AKAP13: variants seen among roughly 807,000 people sequenced by gnomAD.
AKAP13 encodes the protein A-kinase anchor protein 13.
A neutral mutation model predicts 264.5 loss-of-function variants in AKAP13; 80 were observed. That is an observed-to-expected ratio of 0.30 (90% confidence interval 0.25 to 0.36). The LOEUF (loss-of-function observed/expected upper bound fraction) is 0.36. Ranked by LOEUF, AKAP13 falls within the 10% of genes least tolerant of loss-of-function variation. The pLI is 1.00. For missense variants in AKAP13, 3,712 were observed against 3,435.2 expected (o/e 1.08, Z -2.01); for synonymous variants, 1,380 against 1,250.2 (o/e 1.10, Z -2.19).
chr15:85,432,168 A>G (rs747221873), intron 1 of AKAP13, among the ~76,000 whole-genome samples: 4 of 152,104 alleles, frequency 2.6e-5, no homozygotes, highest in African/African-American at 7.2e-5. Context: ...TAGCTATTTC[A>G]ACTCAATTCT....
chr15:85,418,619 T>C (rs2072358429), intron 1 of AKAP13, among the ~76,000 whole-genome samples: 1 of 152,220 alleles, frequency 6.6e-6, no homozygotes, highest in South Asian at 2.1e-4. Context: ...AGCATATAAT[T>C]ATAGCCACTA....
At chr15:85,421,273 C>T (rs992654642) in intron 1 of AKAP13, among the ~76,000 whole-genome samples, 4 of 152,176 alleles carry the variant, frequency 2.6e-5, no homozygotes, top group Non-Finnish European at 5.9e-5. Context: ...AAGGCAAAAA[C>T]TAAAAATAGA....
chr15:85,443,729 G>A (rs1016735014), intron 1 of AKAP13, among the ~76,000 whole-genome samples: 4 of 151,178 alleles, frequency 2.6e-5, no homozygotes, highest in Admixed American at 1.3e-4. Context: ...ATTTGCATTT[G>A]TGTCAGTGGG....
intron 14 of AKAP13, among the ~76,000 whole-genome samples, chr15:85,677,559 A>T (rs1203338083): frequency 6.6e-6 from 1 of 151,710 alleles, no homozygotes; most frequent in Non-Finnish European, 1.5e-5. Context: ...TCCTTTTCAG[A>T]CCATTTCTTT....
chr15:85,740,316 A>G (rs771833021), intron 34 of AKAP13, 44 bp downstream of exon 34: 12 of 1,608,984 alleles, frequency 7.5e-6, no homozygotes, highest in East Asian at 6.7e-5. Flanking sequence ...TTGTCTAGAG[A>G]ACAGCAGCTT....
chr15:85,720,765 C>T (rs2087235074), intron 23 of AKAP13, among the ~76,000 whole-genome samples: 1 of 152,182 alleles, frequency 6.6e-6, no homozygotes, highest in Non-Finnish European at 1.5e-5. Context: ...CCATACCCCT[C>T]ACTTCATTAA....
chr15:85,652,303 C>CT (rs2082893241), intron 10 of AKAP13, among the ~76,000 whole-genome samples: 1 of 151,976 alleles, frequency 6.6e-6, no homozygotes, highest in African/African-American at 2.4e-5. Flanking sequence ...GATAGCAGGC[C>CT]TTTTTTTCAA....
At chr15:85,513,516 G>T (rs1235591694) in intron 2 of AKAP13, among the ~76,000 whole-genome samples, 3 of 152,206 alleles carry the variant, frequency 2.0e-5, no homozygotes, top group Non-Finnish European at 4.4e-5. Flanking sequence ...GGCAACACCT[G>T]TTGTTAACAT....
At chr15:85,483,647 A>AAAAAAAAC (rs1193766908) in intron 1 of AKAP13, among the ~76,000 whole-genome samples, 2 of 149,354 alleles carry the variant, frequency 1.3e-5, no homozygotes, top group African/African-American at 2.5e-5. Context: ...AAAAAAAAAA[A>AAAAAAAAC]AAAACACCAA....
intron 5 of AKAP13, among the ~76,000 whole-genome samples, chr15:85,545,333 A>T (rs1271423152): frequency 1.3e-5 from 2 of 152,258 alleles, no homozygotes; most frequent in African/African-American, 4.8e-5. Context: ...TTTGCTGGGA[A>T]GCAGAGTTGG....
At chr15:85,396,975 A>T (rs1395674982) in intron 1 of AKAP13, among the ~76,000 whole-genome samples, 3 of 149,240 alleles carry the variant, frequency 2.0e-5, no homozygotes, top group Non-Finnish European at 4.4e-5. Context: ...ATTTATACAT[A>T]ATTATTTTTG....
chr15:85,627,964 G>A (rs72762318), intron 8 of AKAP13, among the ~76,000 whole-genome samples: 13,975 of 152,202 alleles, frequency 0.092, 800 homozygotes, highest in East Asian at 0.21. Context: ...ATATACCAAC[G>A]CTTTTGTTGA....
chr15:85,572,126 A>C (rs537636454), intron 5 of AKAP13, among the ~76,000 whole-genome samples: 1 of 152,246 alleles, frequency 6.6e-6, no homozygotes, highest in Non-Finnish European at 1.5e-5. Flanking sequence ...AGAATACTCC[A>C]TTTCATGGAG....
chr15:85,402,428 C>CT (rs2071469263), intron 1 of AKAP13, among the ~76,000 whole-genome samples: 2 of 152,134 alleles, frequency 1.3e-5, no homozygotes, highest in African/African-American at 4.8e-5. Flanking sequence ...TGGTATAAGT[C>CT]TTTCATGGTT....
chr15:85,557,678 G>T (rs1337752955), intron 5 of AKAP13, among the ~76,000 whole-genome samples: 1 of 152,022 alleles, frequency 6.6e-6, no homozygotes, highest in Non-Finnish European at 1.5e-5. Context: ...GGTCTTGTAT[G>T]TTGCCCAGGC....
Position 85,735,134 on chromosome 15 carries a change from G to A in AKAP13, c.7425G>A (p.Gln2475=), listed in dbSNP as rs765822957. The A allele has an allele frequency of 1.2e-6, 2 of 1,613,950 alleles. No individual in the cohort carries two copies. Among genetic ancestry groups the A allele is most frequent in the Non-Finnish European group, 1.7e-6 (2 of 1,179,938 alleles). Residue 2475 remains glutamine, a synonymous_variant, in exon 31 of 37, where the codon CAG becomes CAA. Coordinates refer to ENST00000394518, the MANE Select transcript of AKAP13 (RefSeq NM_007200.5). ...CCTTTGGAGGATTTGACAGCCATCA[G>A]ATGAATGCTTCAAAAGGTAAATGAT... ...AETFGGFDSH[Q]MNASKGGEKE...
intron 1 of AKAP13, among the ~76,000 whole-genome samples, chr15:85,407,867 G>A (rs1311782884): frequency 1.3e-5 from 2 of 151,678 alleles, no homozygotes; most frequent in African/African-American, 4.9e-5. Context: ...AGGGAGAAGG[G>A]AGCATTGCCT....
intron 13 of AKAP13, among the ~76,000 whole-genome samples, chr15:85,666,222 C>T (rs541260771): frequency 6.6e-6 from 1 of 152,304 alleles, no homozygotes; most frequent in East Asian, 1.9e-4. Context: ...ACCATTCTAA[C>T]TGGTGTGAGA....
At chr15:85,616,313 G>A (rs980247856) in intron 8 of AKAP13, among the ~76,000 whole-genome samples, 2 of 152,164 alleles carry the variant, frequency 1.3e-5, no homozygotes, top group Admixed American at 1.3e-4. Context: ...AATTTGGTAA[G>A]GTGCTAGATC....
Sources: allele counts gnomAD v4.1 joint callset (sites outside exome capture counted in the v4.1 genomes callset), GRCh38; gene constraint gnomAD v4.1.1; transcripts MANE v1.5; gene names NCBI Gene and HGNC (gene_info 2026-07-23, HGNC 2026-07-21).